The following TM9SF3 variants were observed in gnomAD, a reference collection of about 807,000 sequenced individuals.
TM9SF3 encodes the protein SM-11044-binding protein.
TM9SF3 carries 14 observed loss-of-function variants against 78.6 expected under a neutral mutation model. The observed-to-expected ratio is 0.18, with a 90% CI of 0.12 to 0.28. The LOEUF (loss-of-function observed/expected upper bound fraction) is 0.28, where lower values mean the gene tolerates loss of function less well. TM9SF3 is among the 10% of genes least tolerant of loss of function. The probability of loss-of-function intolerance (pLI) is 1.00; values close to 1 mark genes in which losing one functional copy is unlikely to be tolerated. For missense variants in TM9SF3, 496 were observed against 721.9 expected (o/e 0.69, Z 3.59); for synonymous variants, 231 against 241.7 (o/e 0.96, Z 0.41).
chr10:96,560,409 C>G (rs1848291370), intron 4 of TM9SF3: 1 of 738,612 alleles, frequency 1.4e-6, no homozygotes, highest in Non-Finnish European at 2.5e-6. Flanking sequence ...TTAAATAACA[C>G]TGGCACCTTT....
intron 9 of TM9SF3, among the ~76,000 whole-genome samples, chr10:96,535,508 T>C (rs935163400): frequency 1.3e-5 from 2 of 152,266 alleles, no homozygotes; most frequent in Admixed American, 1.3e-4. Flanking sequence ...ATACTTAATT[T>C]GCAAAATATA....
intron 9 of TM9SF3, among the ~76,000 whole-genome samples, chr10:96,539,036 T>C (rs1425614978): frequency 3.3e-5 from 5 of 152,146 alleles, no homozygotes; most frequent in Non-Finnish European, 5.9e-5. Context: ...AAAACATAAG[T>C]CCATAGAAAG....
intron 2 of TM9SF3, among the ~76,000 whole-genome samples, chr10:96,574,469 TTGG>T (rs1848474203): frequency 6.6e-6 from 1 of 152,208 alleles, no homozygotes; most frequent in Non-Finnish European, 1.5e-5. Flanking sequence ...TTTTACACTG[TTGG>T]TGGGAGTGTA....
chr10:96,529,466 G>A (rs552119181), intron 11 of TM9SF3, among the ~76,000 whole-genome samples: 4 of 151,972 alleles, frequency 2.6e-5, no homozygotes, highest in Non-Finnish European at 5.9e-5. Flanking sequence ...TGATTGAGAC[G>A]GCTATAGACT....
At chr10:96,533,323 CAAG>C (rs1564929024) in intron 9 of TM9SF3, 133 bp from the exon 10 acceptor site, 1 of 1,100,188 alleles carries the variant, frequency 9.1e-7, no homozygotes, top group Admixed American at 2.8e-5. Context: ...TAAAATTGTG[CAAG>C]AAGTACACTA....
chr10:96,534,545 G>A (rs1847933742), intron 9 of TM9SF3, among the ~76,000 whole-genome samples: 4 of 151,966 alleles, frequency 2.6e-5, no homozygotes, highest in African/African-American at 9.7e-5. Flanking sequence ...TTGTAATAAA[G>A]ACCTATATAT....
At chr10:96,522,395 C>T (rs1470125052) in intron 14 of TM9SF3, 65 bp from the exon 15 acceptor site, 11 of 1,240,474 alleles carry the variant, frequency 8.9e-6, no homozygotes, top group Admixed American at 2.8e-5. Context: ...CATTTAAAAA[C>T]ACTAAATACT....
intron 7 of TM9SF3, 142 bp from the exon 8 acceptor site, chr10:96,548,131 C>T (rs2134141461): frequency 1.8e-6 from 1 of 550,826 alleles, no homozygotes; most frequent in African/African-American, 1.9e-5. Flanking sequence ...ACAAATAAAA[C>T]TCAAAAGATT....
At chr10:96,558,905 T>C (rs1452417220) in intron 5 of TM9SF3, among the ~76,000 whole-genome samples, 2 of 152,212 alleles carry the variant, frequency 1.3e-5, no homozygotes, top group South Asian at 2.1e-4. Context: ...GATACCCTTA[T>C]GCCTTGTCTT....
At chr10:96,537,706 C>T (rs1285128635) in intron 9 of TM9SF3, among the ~76,000 whole-genome samples, 1 of 152,078 alleles carries the variant, frequency 6.6e-6, no homozygotes, top group Non-Finnish European at 1.5e-5. Flanking sequence ...GTGACGTGCA[C>T]CTGTAATCCT....
At chr10:96,585,675 G>C (rs1220736185) in intron 1 of TM9SF3, among the ~76,000 whole-genome samples, 1 of 152,184 alleles carries the variant, frequency 6.6e-6, no homozygotes, top group African/African-American at 2.4e-5. Context: ...CATTAAATAG[G>C]TAAGGACGAC....
chr10:96,534,794 G>A, intron 9 of TM9SF3, among the ~76,000 whole-genome samples: 1 of 152,090 alleles, frequency 6.6e-6, no homozygotes, highest in East Asian at 1.9e-4. Flanking sequence ...GCTCAAAGGA[G>A]TTCTATACCA....
At chr10:96,532,436 C>T (rs377468749) in intron 10 of TM9SF3, among the ~76,000 whole-genome samples, 1 of 151,832 alleles carries the variant, frequency 6.6e-6, no homozygotes, top group East Asian at 1.9e-4. Flanking sequence ...CCTGAATATG[C>T]TGTATTTATA....
At chr10:96,567,085 T>TA (rs1848383246) in intron 2 of TM9SF3, among the ~76,000 whole-genome samples, 1 of 980 alleles carries the variant, frequency 1.0e-3, no homozygotes, top group South Asian at 0.056. Flanking sequence ...GTATAAAGCC[T>TA]TTTTTTTTTT....
At chr10:96,585,960 C>G (rs956021699) in intron 1 of TM9SF3, among the ~76,000 whole-genome samples, 1 of 152,212 alleles carries the variant, frequency 6.6e-6, no homozygotes, top group South Asian at 2.1e-4. Context: ...AACTGCCAAT[C>G]ACCTTTAGGC....
rs1347553914 is a variant in TM9SF3 at position 96,518,203 on chromosome 10, T to G, written c.*4060A>C. 1.3e-5 allele frequency: 2 copies of G among 152,210 alleles called. No individual in the cohort carries two copies. Among genetic ancestry groups the G allele is most frequent in the Admixed American group, 6.5e-5 (1 of 15,282 alleles). 9.4% of individuals were successfully genotyped at this position (152,210 alleles called of 1,614,324 possible). ...CAATTGTATTTGATACATTATATAC[T>G]GGATTTCTATTACTAAAAAGCCAGT... On this transcript the variant is annotated 3_prime_UTR_variant, in exon 15 of 15. Coordinates refer to ENST00000371142, the MANE Select transcript of TM9SF3 (RefSeq NM_020123.4).
intron 2 of TM9SF3, among the ~76,000 whole-genome samples, chr10:96,572,728 C>T (rs1329478840): frequency 1.3e-5 from 2 of 151,812 alleles, no homozygotes; most frequent in Non-Finnish European, 2.9e-5. Context: ...TGGGGTTTCA[C>T]CGTGGTCTCG....
At chr10:96,560,492 G>A (rs539338814) in intron 4 of TM9SF3, 3 of 750,320 alleles carry the variant, frequency 4.0e-6, no homozygotes, top group African/African-American at 3.4e-5. Flanking sequence ...TATGGTTGAA[G>A]TGTGGTTCAG....
At position 96,527,403 on chromosome 10, in the gene TM9SF3, C is replaced by A; in HGVS notation, c.1625+10G>T. On this transcript the variant is annotated intron_variant, in intron 13 of 14. Transcript: ENST00000371142. ...TCCTAAATAAAAGGTAAAAAAATGTCTCCACTTACTTTGTTTTGAAAAAAT... is the reference window on the plus strand; with the variant it reads ...TCCTAAATAAAAGGTAAAAAAATGTATCCACTTACTTTGTTTTGAAAAAAT... The A allele has an allele frequency of 6.2e-7, 1 of 1,602,868 alleles. No homozygotes were observed. The highest frequency in any genetic ancestry group is 1.1e-5 in the South Asian group (1 of 89,008).
Sources: gnomAD v4.1 joint callset for allele counts (sites outside exome capture counted in the v4.1 genomes callset) on GRCh38, gnomAD v4.1.1 for gene constraint, MANE v1.5 for transcripts, NCBI Gene and HGNC (gene_info 2026-07-23, HGNC 2026-07-21) for gene names.